The following TNIK variants were observed in gnomAD, a reference collection of about 807,000 sequenced individuals.
TNIK encodes the protein TRAF2 and NCK interacting kinase.
Under a neutral mutation model 191.3 loss-of-function variants are expected in TNIK, and 49 were observed. The observed-to-expected ratio is 0.26, with a 90% CI of 0.20 to 0.32. The LOEUF (loss-of-function observed/expected upper bound fraction) is 0.32, where lower values mean the gene tolerates loss of function less well. TNIK is among the 10% of genes least tolerant of loss of function. The pLI is 1.00. For missense variants in TNIK, 1,155 were observed against 1,702.3 expected, an observed-to-expected ratio of 0.68 and a Z score of 5.66; for synonymous variants, 594 against 600.9, an observed-to-expected ratio of 0.99 and a Z score of 0.17.
Position 171,141,239 on chromosome 3 carries a change from T to G in TNIK, c.1222-730A>C, listed in dbSNP as rs150712924. 3.5e-4 allele frequency among the ~76,000 whole-genome samples: 54 copies of G among 152,308 alleles called. 1 individual carries two copies. The highest frequency in any genetic ancestry group is 1.2e-3 in the African/African-American group (50 of 41,552). On this transcript the variant is annotated intron_variant, in intron 12 of 32. Transcript: ENST00000436636. Reference sequence around the variant, plus strand: ...TTACATGCTTTATTTCATTTCATCTTCACAAAAATAAGTGGATGTCACTAT... The same window carrying G: ...TTACATGCTTTATTTCATTTCATCTGCACAAAAATAAGTGGATGTCACTAT...
At chr3:171,326,946 T>A (rs1029648686) in intron 2 of TNIK, among the ~76,000 whole-genome samples, 1 of 152,116 alleles carries the variant, frequency 6.6e-6, no homozygotes, top group Non-Finnish European at 1.5e-5. Flanking sequence ...AATCATCTAC[T>A]CCTACAGGAT....
intron 2 of TNIK, among the ~76,000 whole-genome samples, chr3:171,335,191 G>A (rs1368585927): frequency 6.6e-6 from 1 of 152,134 alleles, no homozygotes; most frequent in Non-Finnish European, 1.5e-5. Context: ...CACAGTGCCT[G>A]GTAGACTGTT....
chr3:171,135,885 C>G (rs1729923355), intron 15 of TNIK, among the ~76,000 whole-genome samples: 1 of 152,254 alleles, frequency 6.6e-6, no homozygotes, highest in South Asian at 2.1e-4. Context: ...AAGATCTGCC[C>G]CCAGGAATGC....
intron 6 of TNIK, among the ~76,000 whole-genome samples, chr3:171,189,248 T>C (rs2108827583): frequency 6.6e-6 from 1 of 152,352 alleles, no homozygotes; most frequent in South Asian, 2.1e-4. Flanking sequence ...CAGCATGTGT[T>C]AGAATTTCCT....
intron 18 of TNIK, among the ~76,000 whole-genome samples, chr3:171,117,805 C>T (rs1726982450): frequency 6.6e-6 from 1 of 152,076 alleles, no homozygotes; most frequent in Non-Finnish European, 1.5e-5. Flanking sequence ...CCCGTCTCTA[C>T]TAAAAATACA....
chr3:171,364,436 T>C (rs1715416568), intron 2 of TNIK, among the ~76,000 whole-genome samples: 2 of 151,318 alleles, frequency 1.3e-5, no homozygotes. Flanking sequence ...AGTACAAAGA[T>C]TAACATTTTA....
chr3:171,100,195 T>C (rs1016009589), intron 22 of TNIK, among the ~76,000 whole-genome samples: 5 of 152,214 alleles, frequency 3.3e-5, no homozygotes, highest in African/African-American at 1.2e-4. Flanking sequence ...GGCCAGCATG[T>C]TTTGCAGAAA....
intron 1 of TNIK, among the ~76,000 whole-genome samples, chr3:171,415,985 A>AAAG (rs1560044141): frequency 6.8e-6 from 1 of 147,630 alleles, no homozygotes; most frequent in Non-Finnish European, 1.5e-5. Context: ...AAAAAAAAAA[A>AAAG]AAAAAAAAAA....
chr3:171,357,473 GA>G (rs1439287615), intron 2 of TNIK, among the ~76,000 whole-genome samples: 1 of 151,794 alleles, frequency 6.6e-6, no homozygotes, highest in Non-Finnish European at 1.5e-5. Flanking sequence ...ATTTTTAGCA[GA>G]GACGGGGTTT....
chr3:171,147,799 A>G (rs1731836578), intron 12 of TNIK, among the ~76,000 whole-genome samples: 1 of 152,140 alleles, frequency 6.6e-6, no homozygotes. Flanking sequence ...ATCTTGCCCA[A>G]GTTCACTCGG....
intron 1 of TNIK, among the ~76,000 whole-genome samples, chr3:171,391,357 A>G (rs4894432): frequency 0.25 from 37,887 of 152,106 alleles, 4,888 homozygotes; most frequent in South Asian, 0.38. Flanking sequence ...GACAAACATC[A>G]GATGTATATA....
chr3:171,286,410 G>A (rs1751019910), intron 2 of TNIK, among the ~76,000 whole-genome samples: 1 of 152,180 alleles, frequency 6.6e-6, no homozygotes, highest in South Asian at 2.1e-4. Context: ...ATTTTTCATA[G>A]TCTAAGAATA....
intron 1 of TNIK, among the ~76,000 whole-genome samples, chr3:171,447,218 C>T (rs1456039772): frequency 2.7e-5 from 4 of 149,752 alleles, no homozygotes; most frequent in Non-Finnish European, 4.4e-5. Flanking sequence ...AATAAATAAA[C>T]AAACAAACAT....
At chr3:171,144,608 C>CG (rs1731285995) in intron 12 of TNIK, among the ~76,000 whole-genome samples, 1 of 142,634 alleles carries the variant, frequency 7.0e-6, no homozygotes, top group African/African-American at 2.5e-5. Context: ...ATCTTAAACA[C>CG]TTACCATTGC....
intron 7 of TNIK, among the ~76,000 whole-genome samples, chr3:171,182,735 C>T (rs1312325791): frequency 1.3e-5 from 2 of 152,176 alleles, no homozygotes; most frequent in Admixed American, 1.3e-4. Flanking sequence ...GGCTGGGCTG[C>T]TCAACACAGT....
chr3:171,219,706 C>T lies in TNIK; in HGVS notation c.180+8459G>A, dbSNP rs951685350. Among the ~76,000 whole-genome samples the T allele has an allele frequency of 1.5e-4, 23 of 152,122 alleles. 1 individual carries two copies. The highest frequency in any genetic ancestry group is 4.4e-5 in the Non-Finnish European group (3 of 68,030). ...ACCACAATGAGATACCATCTCATGC[C>T]AGTTAGCATGACGATCATTAAAAAG... is the stretch of plus-strand genomic sequence containing the variant. On this transcript the variant is annotated intron_variant, in intron 3 of 32. Coordinates refer to ENST00000436636, the MANE Select transcript of TNIK (RefSeq NM_015028.4).
chr3:171,268,352 A>C (rs921878018), intron 2 of TNIK, among the ~76,000 whole-genome samples: 1 of 152,014 alleles, frequency 6.6e-6, no homozygotes. Context: ...ATATCTGATC[A>C]TCCTAGCCTG....
chr3:171,291,093 T>C (rs1751630099), intron 2 of TNIK, among the ~76,000 whole-genome samples: 1 of 152,180 alleles, frequency 6.6e-6, no homozygotes, highest in Non-Finnish European at 1.5e-5. Context: ...TACTTAGAGT[T>C]CATACTGCAC....
chr3:171,358,631 G>A (rs1240832366), intron 2 of TNIK, among the ~76,000 whole-genome samples: 1 of 152,134 alleles, frequency 6.6e-6, no homozygotes, highest in Admixed American at 6.6e-5. Flanking sequence ...ATTTTTTGTG[G>A]ACTTCTACCT....
Sources: allele counts gnomAD v4.1 joint callset (sites outside exome capture counted in the v4.1 genomes callset), GRCh38; gene constraint gnomAD v4.1.1; transcripts MANE v1.5; gene names NCBI Gene and HGNC (gene_info 2026-07-23, HGNC 2026-07-21).